The following BNC2 variants were observed in gnomAD, a reference collection of about 807,000 sequenced individuals.
The protein encoded by BNC2 is zinc finger protein basonuclin-2.
Under a neutral mutation model 76.3 loss-of-function variants are expected in BNC2, and 20 were observed. That is an observed-to-expected ratio of 0.26 (90% CI 0.18 to 0.38). BNC2 has a LOEUF of 0.38. Ranked by LOEUF, BNC2 falls within the 10% of genes least tolerant of loss-of-function variation. BNC2 has a pLI of 1.00. For missense variants in BNC2, 1,382 were observed against 1,399.8 expected, an observed-to-expected ratio of 0.99 and a Z score of 0.20; for synonymous variants, 582 against 514.8, an observed-to-expected ratio of 1.13 and a Z score of -1.77.
intron 5 of BNC2, among the ~76,000 whole-genome samples, chr9:16,458,348 C>A (rs530284527): frequency 6.6e-6 from 1 of 152,288 alleles, no homozygotes; most frequent in African/African-American, 2.4e-5. Flanking sequence ...GGAAAAGCAG[C>A]TTTTGTGGTC....
At chr9:16,704,767 GCCT>G (rs1823615522) in intron 3 of BNC2, 1 of 151,676 alleles carries the variant, frequency 6.6e-6, no homozygotes. Flanking sequence ...AGCTGCAGCG[GCCT>G]CCCAGCCAGT....
chr9:16,552,998 G>A (rs961581882), intron 4 of BNC2, among the ~76,000 whole-genome samples: 2 of 151,840 alleles, frequency 1.3e-5, no homozygotes, highest in Non-Finnish European at 2.9e-5. Flanking sequence ...TAAATTGCAG[G>A]CAACAACAAA....
intron 4 of BNC2, among the ~76,000 whole-genome samples, chr9:16,570,095 C>A (rs1289159836): frequency 6.6e-6 from 1 of 152,070 alleles, no homozygotes; most frequent in Non-Finnish European, 1.5e-5. Flanking sequence ...ACTTTAAAGA[C>A]TTAATTTTCT....
intron 5 of BNC2, among the ~76,000 whole-genome samples, chr9:16,484,420 T>C (rs1822119013): frequency 6.6e-6 from 1 of 152,220 alleles, no homozygotes; most frequent in Non-Finnish European, 1.5e-5. Context: ...CCAGATGTCA[T>C]CACAAGCAGG....
intron 3 of BNC2, among the ~76,000 whole-genome samples, chr9:16,614,830 C>A (rs1337616762): frequency 6.6e-6 from 1 of 151,858 alleles, no homozygotes; most frequent in Non-Finnish European, 1.5e-5. Context: ...GTGGCACATG[C>A]CTGTGGCCCC....
intron 4 of BNC2, among the ~76,000 whole-genome samples, chr9:16,573,228 AAAAAAAAAACAG>A (rs1819378994): frequency 6.8e-6 from 1 of 147,740 alleles, no homozygotes; most frequent in Non-Finnish European, 1.5e-5. Flanking sequence ...TCTCAAAAAA[AAAAAAAAAACAG>A]AAAAAGAAAA....
intron 3 of BNC2, among the ~76,000 whole-genome samples, chr9:16,723,977 A>T (rs1824241776): frequency 6.6e-6 from 1 of 152,142 alleles, no homozygotes; most frequent in African/African-American, 2.4e-5. Context: ...CAATGAAATT[A>T]TGTTGTTAAT....
intron 3 of BNC2, among the ~76,000 whole-genome samples, chr9:16,637,653 G>A (rs1181218934): frequency 1.3e-5 from 2 of 152,184 alleles, no homozygotes; most frequent in Middle Eastern, 3.2e-3. Context: ...CTAAAAGGCA[G>A]CAGCCTCATG....
chr9:16,531,737 C>T (rs1817981126), intron 5 of BNC2, among the ~76,000 whole-genome samples: 1 of 152,126 alleles, frequency 6.6e-6, no homozygotes. Flanking sequence ...AATTTTTCTT[C>T]TTAATCATGC....
chr9:16,507,346 G>C (rs1342921177), intron 5 of BNC2, among the ~76,000 whole-genome samples: 1 of 137,554 alleles, frequency 7.3e-6, no homozygotes, highest in East Asian at 2.4e-4. Context: ...CTCAGCCTAC[G>C]CCTCCTGGGT....
At chr9:16,680,362 C>T (rs574073430) in intron 3 of BNC2, among the ~76,000 whole-genome samples, 3 of 151,810 alleles carry the variant, frequency 2.0e-5, no homozygotes, top group South Asian at 2.1e-4. Flanking sequence ...TTCCTCAGTA[C>T]GGGAATTCAG....
chr9:16,725,775 T>C (rs746529876), intron 3 of BNC2, among the ~76,000 whole-genome samples: 11 of 152,196 alleles, frequency 7.2e-5, no homozygotes, highest in Non-Finnish European at 7.3e-5. Flanking sequence ...TGACCCATCA[T>C]TTATATTACT....
intron 5 of BNC2, among the ~76,000 whole-genome samples, chr9:16,497,077 G>C (rs938418563): frequency 6.6e-6 from 1 of 152,232 alleles, no homozygotes; most frequent in African/African-American, 2.4e-5. Context: ...GCATTGCCTG[G>C]CAGGAAGGGG....
chr9:16,520,833 G>GA (rs1817594915), intron 5 of BNC2, among the ~76,000 whole-genome samples: 1 of 152,096 alleles, frequency 6.6e-6, no homozygotes, highest in Admixed American at 6.5e-5. Context: ...TTATAAATAA[G>GA]AAATCCTGTC....
chr9:16,709,809 A>G (rs144459779), intron 3 of BNC2, among the ~76,000 whole-genome samples: 3,289 of 152,294 alleles, frequency 0.022, 57 homozygotes, highest in South Asian at 0.063. Flanking sequence ...TCAACATACA[A>G]AGGCAAGTGT....
intron 5 of BNC2, among the ~76,000 whole-genome samples, chr9:16,489,485 C>T (rs1478084322): frequency 6.6e-6 from 1 of 152,156 alleles, no homozygotes; most frequent in Admixed American, 6.5e-5. Context: ...AAGCATCAAT[C>T]ATTGCTGGTC....
chr9:16,815,589 T>A (rs1818164213), intron 1 of BNC2, among the ~76,000 whole-genome samples: 1 of 152,172 alleles, frequency 6.6e-6, no homozygotes, highest in African/African-American at 2.4e-5. Context: ...GAGTGGCGGA[T>A]CCATTAACAT....
At chr9:16,725,965 G>T (rs558549426) in intron 3 of BNC2, among the ~76,000 whole-genome samples, 1 of 142,554 alleles carries the variant, frequency 7.0e-6, no homozygotes, top group Non-Finnish European at 1.5e-5. Flanking sequence ...AGAGGGAGAC[G>T]TAAGCCAATC....
chr9:16,470,154 C>T (rs1037595254), intron 5 of BNC2, among the ~76,000 whole-genome samples: 75 of 151,916 alleles, frequency 4.9e-4, no homozygotes, highest in African/African-American at 1.8e-3. Context: ...CCCACCACCA[C>T]GCCCAGCTAA....
Sources: allele counts gnomAD v4.1 joint callset (sites outside exome capture counted in the v4.1 genomes callset), GRCh38; gene constraint gnomAD v4.1.1; transcripts MANE v1.5; gene names NCBI Gene and HGNC (gene_info 2026-07-23, HGNC 2026-07-21).